MGST1: variants seen among roughly 807,000 people sequenced by gnomAD.
MGST1 encodes glutathione S-transferase 12.
In MGST1, 5 loss-of-function variants were observed where a neutral mutation model predicts 8.9. That is an observed-to-expected ratio of 0.56 (90% CI 0.29 to 1.19). MGST1 has a LOEUF of 1.19. Among genes scored for constraint, MGST1 ranks in the 50% most tolerant of loss-of-function variants. MGST1 has a pLI of 0.08. For synonymous variants in MGST1, 54 were observed against 67.8 expected, an observed-to-expected ratio of 0.80 and a Z score of 1.00; for missense variants, 182 against 187.4, an observed-to-expected ratio of 0.97 and a Z score of 0.17.
Position 16,357,649 on chromosome 12 carries a change from A to C in MGST1, c.171A>C (p.Glu57Asp). The change falls in exon 3 of 4, where the codon GAA becomes GAC. Residue 57 changes from glutamate (E) to aspartate (D), a missense_variant. By Grantham distance (45) the Glu-to-Asp change is conservative. Coordinates refer to ENST00000396210, the MANE Select transcript of MGST1 (RefSeq NM_020300.5). The part of the protein sequence containing the change: ...PEDCVAFGKG[E>D]NAKKYLRTDD... Reference sequence around the variant, plus strand: ...ACTGTGTAGCATTTGGCAAAGGAGAAAATGCCAAGAAGTATCTTCGAACAG... The same window carrying C: ...ACTGTGTAGCATTTGGCAAAGGAGACAATGCCAAGAAGTATCTTCGAACAG... The C allele has an allele frequency of 3.7e-6, 6 of 1,613,480 alleles. No individual in the cohort carries two copies. Among genetic ancestry groups the C allele is most frequent in the Non-Finnish European group, 5.1e-6 (6 of 1,179,964 alleles).
intron 1 of MGST1, among the ~76,000 whole-genome samples, chr12:16,436,444 G>A (rs1310078485): frequency 6.6e-6 from 1 of 151,804 alleles, no homozygotes; most frequent in Non-Finnish European, 1.5e-5. Context: ...AGTTCATTGA[G>A]GGAAGGAAAT....
At chr12:16,400,221 C>G in intron 1 of MGST1, 6 of 879,520 alleles carry the variant, frequency 6.8e-6, no homozygotes, top group Non-Finnish European at 9.8e-6. Flanking sequence ...ACTGCACATC[C>G]ATGTGCCACT....
chr12:16,427,168 C>T (rs1000533002), intron 1 of MGST1, among the ~76,000 whole-genome samples: 7 of 151,920 alleles, frequency 4.6e-5, no homozygotes, highest in South Asian at 2.1e-4. Context: ...GTTAAAGTTA[C>T]GAAAAACGAT....
Position 16,458,530 on chromosome 12 carries a change from A to G in MGST1, n.482+74926A>G, listed in dbSNP as rs1941195439. Among the ~76,000 whole-genome samples, 1 of 152,046 alleles carries G rather than the reference A, an allele frequency of 6.6e-6. No homozygotes were observed. Among genetic ancestry groups the G allele is most frequent in the Admixed American group, 6.6e-5 (1 of 15,226 alleles). ...CATACGATGCTATTGGTGAAACTTT[A>G]TTTAGGAAGGGTGTTAGTTCACTTC... On this transcript the variant is annotated intron_variant and non_coding_transcript_variant, in intron 4 of 4. Coordinates refer to the MGST1 transcript ENST00000538857. This position sits in a 1 kb window ranked among gnomAD's most constrained non-coding sequence, Gnocchi z 4.0.
At chr12:16,542,663 C>T (rs913950035) in intron 4 of MGST1, among the ~76,000 whole-genome samples, 4 of 152,126 alleles carry the variant, frequency 2.6e-5, no homozygotes, top group Non-Finnish European at 5.9e-5. Flanking sequence ...GGCTACTATG[C>T]AATGTAGATG....
At chr12:16,568,963 CT>C (rs1369646347) in intron 4 of MGST1, among the ~76,000 whole-genome samples, 5 of 152,074 alleles carry the variant, frequency 3.3e-5, no homozygotes, top group African/African-American at 1.2e-4. Flanking sequence ...TAACTTGAAA[CT>C]TAAAAATATG....
chr12:16,381,106 G>A (rs184693176), downstream of MGST1, among the ~76,000 whole-genome samples: 6 of 152,184 alleles, frequency 3.9e-5, no homozygotes, highest in African/African-American at 1.4e-4. Flanking sequence ...TTGCCGGTCT[G>A]TGTCTTTTAA....
chr12:16,400,515 T>G (rs573920341), intron 1 of MGST1: 1 of 833,186 alleles, frequency 1.2e-6, no homozygotes, highest in East Asian at 2.4e-5. Flanking sequence ...TCTCTTTCTC[T>G]TCAGCTTCTC....
At position 16,482,616 on chromosome 12, in the gene MGST1, G is replaced by T. The variant is rs1941371601; in HGVS notation, n.482+99012G>T. On this transcript the variant is annotated intron_variant and non_coding_transcript_variant, in intron 4 of 4. Transcript: ENST00000538857. This position sits in a 1 kb window ranked among gnomAD's most constrained non-coding sequence, Gnocchi z 4.2. The stretch of plus-strand genomic sequence containing the variant: ...ACTGCACTCCAGCCTGGGTTACAGA[G>T]CAAGACTCTGTCTGGAAGAAAAAAA... Among the ~76,000 whole-genome samples the T allele has an allele frequency of 1.4e-5, 2 of 144,822 alleles. No homozygotes were observed. The highest frequency in any genetic ancestry group is 3.0e-5 in the Non-Finnish European group (2 of 66,194).
At chr12:16,402,445 G>A in intron 1 of MGST1, 1 of 1,600,898 alleles carries the variant, frequency 6.2e-7, no homozygotes, top group South Asian at 1.1e-5. Context: ...CTTCTCCTCG[G>A]GTTCTGAGAA....
At chr12:16,353,461 A>G (rs1939563568) in intron 1 of MGST1, 1 of 152,206 alleles carries the variant, frequency 6.6e-6, no homozygotes, top group South Asian at 2.1e-4. Flanking sequence ...TACTGAAATG[A>G]CAAGTTGTAA....
intron 4 of MGST1, among the ~76,000 whole-genome samples, chr12:16,461,422 G>C (rs1026245216): frequency 6.6e-6 from 1 of 152,108 alleles, no homozygotes; most frequent in Admixed American, 6.6e-5. Context: ...CGTACAACCA[G>C]AATGGTTTTC....
At chr12:16,434,378 G>A (rs1392455350) in intron 1 of MGST1, among the ~76,000 whole-genome samples, 1 of 151,814 alleles carries the variant, frequency 6.6e-6, no homozygotes, top group Non-Finnish European at 1.5e-5. Context: ...GAAATTTCTA[G>A]TTCTTCCGAT....
At position 16,497,932 on chromosome 12, in the gene MGST1, T is replaced by A. The variant is rs909348413; in HGVS notation, n.483-91596T>A. Among the ~76,000 whole-genome samples, 3 of 152,160 alleles carry A rather than the reference T, an allele frequency of 2.0e-5. No individual in the cohort carries two copies. The highest frequency in any genetic ancestry group is 1.3e-4 in the Admixed American group (2 of 15,266). ...CTAGATGATAGTCTTTGTAATCACA[T>A]TTTATGGAATATCTCCAAGGGGCTA... is the stretch of plus-strand genomic sequence containing the variant. On this transcript the variant is annotated intron_variant and non_coding_transcript_variant, in intron 4 of 4. Coordinates refer to the MGST1 transcript ENST00000538857. The surrounding 1 kb of genome is among the most constrained non-coding windows in gnomAD (Gnocchi z 4.4).
In MGST1 at chr12:16,407,587, T is replaced by G. The variant is rs577391612; in HGVS notation, n.778+23983T>G. On this transcript the variant is annotated intron_variant and non_coding_transcript_variant, in intron 1 of 1. Transcript: ENST00000359720. ...GGCATATACCCAGAGGAATATAAAT[T>G]GTTGCATCATAAAGGCACATGCATG... Among the ~76,000 whole-genome samples the G allele has an allele frequency of 7.9e-5, 12 of 152,216 alleles. No homozygotes were observed. In the South Asian group the frequency reaches 2.5e-3, roughly 32 times the overall value.
At chr12:16,479,853 G>A (rs1399952882) in intron 4 of MGST1, among the ~76,000 whole-genome samples, 2 of 152,002 alleles carry the variant, frequency 1.3e-5, no homozygotes, top group Non-Finnish European at 2.9e-5. Flanking sequence ...AGTAGTTCTA[G>A]GTTCACAGCA....
At chr12:16,556,981 A>T (rs1773468383) in intron 4 of MGST1, among the ~76,000 whole-genome samples, 2 of 152,172 alleles carry the variant, frequency 1.3e-5, no homozygotes, top group African/African-American at 4.8e-5. Flanking sequence ...TCGCAGCAAT[A>T]AGAATGTGAA....
intron 1 of MGST1, among the ~76,000 whole-genome samples, chr12:16,351,728 T>C (rs1010488346): frequency 2.0e-5 from 3 of 152,152 alleles, no homozygotes; most frequent in Non-Finnish European, 2.9e-5. Context: ...GAGAATGGCT[T>C]GAACCCAGGA....
In MGST1 at chr12:16,576,664, T is replaced by C. The variant is rs770159258; in HGVS notation, n.483-12864T>C. Among the ~76,000 whole-genome samples the C allele has an allele frequency of 6.6e-6, 1 of 152,200 alleles. No individual in the cohort carries two copies. Among genetic ancestry groups the C allele is most frequent in the Non-Finnish European group, 1.5e-5 (1 of 68,044 alleles). On this transcript the variant is annotated intron_variant and non_coding_transcript_variant, in intron 4 of 4. Coordinates refer to the MGST1 transcript ENST00000538857. This position sits in a 1 kb window ranked among gnomAD's most constrained non-coding sequence, Gnocchi z 4.1. ...TCCTTTACTCTGCACCTAACACATG[T>C]GATGTTCATATGCTCCATAACTGCT...
Sources: gnomAD v4.1 joint callset for allele counts (sites outside exome capture counted in the v4.1 genomes callset) on GRCh38, gnomAD v4.1.1 for gene constraint, Gnocchi (gnomAD v3.1) non-coding constraint, MANE v1.5 for transcripts, NCBI Gene and HGNC (gene_info 2026-07-23, HGNC 2026-07-21) for gene names.